The following GPC5 variants were observed in gnomAD, a reference collection of about 807,000 sequenced individuals.
GPC5 encodes glypican-5.
A neutral mutation model predicts 53.9 loss-of-function variants in GPC5; 47 were observed. The ratio of observed to expected loss-of-function variants is 0.87; its 90% CI spans 0.69 to 1.11. The LOEUF is 1.11. Among genes scored for constraint, GPC5 ranks in the 50% most tolerant of loss-of-function variants. The pLI is 0.00. For missense variants in GPC5, 748 were observed against 713.1 expected (o/e 1.05, Z -0.56); for synonymous variants, 286 against 263.3 (o/e 1.09, Z -0.84).
At chr13:92,288,065 C>T (rs2042968572) in intron 7 of GPC5, among the ~76,000 whole-genome samples, 1 of 151,986 alleles carries the variant, frequency 6.6e-6, no homozygotes, top group African/African-American at 2.4e-5. Context: ...CACTTTTCAG[C>T]TCTATTATAT....
At chr13:91,761,152 T>C (rs1449560241) in intron 5 of GPC5, among the ~76,000 whole-genome samples, 2 of 152,148 alleles carry the variant, frequency 1.3e-5, no homozygotes, top group African/African-American at 2.4e-5. Flanking sequence ...AGGTGACAGC[T>C]CCTTAATTAC....
In GPC5 at chr13:91,572,088, T is replaced by TGTATATACAC. The variant is rs1264632904; in HGVS notation, c.326-121099_326-121098insGTATATACAC. On this transcript the variant is annotated intron_variant, in intron 2 of 7. Transcript: ENST00000377067. ...ATGTATATACACACATATGTATATGTACATGTGTGTGTATATACACACATG... is the reference window on the plus strand; with the variant it reads ...ATGTATATACACACATATGTATATGTGTATATACACACATGTGTGTGTATATACACACATG... Among the ~76,000 whole-genome samples the TGTATATACAC allele has an allele frequency of 2.1e-3, 289 of 139,142 alleles. 37 individuals carry two copies. Among genetic ancestry groups the TGTATATACAC allele is most frequent in the African/African-American group, 7.8e-3 (266 of 34,092 alleles). The allele number at this position is 139,142 out of a possible 152,430, so 91.3% of individuals were successfully genotyped here.
intron 2 of GPC5, among the ~76,000 whole-genome samples, chr13:91,646,755 C>T (rs2034567413): frequency 6.6e-6 from 1 of 152,054 alleles, no homozygotes; most frequent in Admixed American, 6.6e-5. Flanking sequence ...TACAAGACAA[C>T]ATGATCTAGG....
chr13:92,758,491 A>G (rs754362560), intron 7 of GPC5, among the ~76,000 whole-genome samples: 4 of 152,064 alleles, frequency 2.6e-5, no homozygotes, highest in Non-Finnish European at 4.4e-5. Context: ...TAAAAAAAAG[A>G]ATATTTTCTG....
rs1222912271 is a variant in GPC5, at chr13:92,023,688, ACACACACTCTCTCT to A, written c.1401+115633_1401+115646del. ...AGGACACACACACACACACACACAC[ACACACACTCTCTCT>A]CTCTCTTATAAATTTATTTTAGTCA... On this transcript the variant is annotated intron_variant, in intron 6 of 7. Transcript: ENST00000377067. Among the ~76,000 whole-genome samples, 148 of 105,364 alleles carry A rather than the reference ACACACACTCTCTCT, an allele frequency of 1.4e-3. 2 individuals carry two copies. The highest frequency in any genetic ancestry group is 4.3e-3 in the African/African-American group (131 of 30,550). 69.1% of individuals were successfully genotyped at this position (105,364 alleles called of 152,430 possible). A position where few individuals can be genotyped will look rare whatever the true frequency, so the allele number is the denominator to read the frequency against.
At chr13:92,651,441 A>G (rs756643696) in intron 7 of GPC5, among the ~76,000 whole-genome samples, 2 of 152,116 alleles carry the variant, frequency 1.3e-5, no homozygotes, top group Non-Finnish European at 2.9e-5. Context: ...CATCAATCAA[A>G]TCCCAATTGA....
intron 7 of GPC5, among the ~76,000 whole-genome samples, chr13:92,346,508 G>T (rs1287370034): frequency 6.6e-6 from 1 of 152,170 alleles, no homozygotes; most frequent in Non-Finnish European, 1.5e-5. Context: ...GCCTGGGATT[G>T]TCACCAACTG....
chr13:91,579,963 T>C (rs2032295510), intron 2 of GPC5, among the ~76,000 whole-genome samples: 1 of 152,164 alleles, frequency 6.6e-6, no homozygotes, highest in African/African-American at 2.4e-5. Context: ...GGTATTTTAA[T>C]TCTTTCAAGT....
intron 2 of GPC5, among the ~76,000 whole-genome samples, chr13:91,533,596 GC>G: frequency 6.6e-6 from 1 of 152,012 alleles, no homozygotes; most frequent in East Asian, 1.9e-4. Flanking sequence ...ATAATGAATA[GC>G]AGTGAAAATG....
chr13:92,155,279 T>A (rs1247836521), intron 7 of GPC5, among the ~76,000 whole-genome samples: 2 of 152,176 alleles, frequency 1.3e-5, no homozygotes, highest in African/African-American at 4.8e-5. Flanking sequence ...CTCTGCATTT[T>A]CTGGTAGAAT....
chr13:92,598,909 TTGTG>T (rs1405224552), intron 7 of GPC5, among the ~76,000 whole-genome samples: 2 of 152,152 alleles, frequency 1.3e-5, no homozygotes, highest in South Asian at 2.1e-4. Context: ...CCCAGCTACT[TTGTG>T]TGAGACTGTC....
intron 7 of GPC5, among the ~76,000 whole-genome samples, chr13:92,617,247 C>A (rs1232886787): frequency 6.6e-6 from 1 of 152,152 alleles, no homozygotes; most frequent in Non-Finnish European, 1.5e-5. Flanking sequence ...TCTACCTGAT[C>A]CCCTCACAAC....
chr13:92,548,130 C>T (rs915661653), intron 7 of GPC5, among the ~76,000 whole-genome samples: 1 of 151,742 alleles, frequency 6.6e-6, no homozygotes, highest in East Asian at 1.9e-4. Flanking sequence ...TGAGCCACTG[C>T]GCCCGGCCAT....
At chr13:91,819,761 T>A in intron 5 of GPC5, among the ~76,000 whole-genome samples, 1 of 152,196 alleles carries the variant, frequency 6.6e-6, no homozygotes, top group East Asian at 1.9e-4. Context: ...CAATGCATAC[T>A]GAGGAGAGAA....
At chr13:91,882,619 T>G (rs979186775) in intron 5 of GPC5, among the ~76,000 whole-genome samples, 7 of 150,976 alleles carry the variant, frequency 4.6e-5, no homozygotes, top group African/African-American at 1.7e-4. Flanking sequence ...GTAATAGAGT[T>G]TGATTTTTTT....
At chr13:92,586,700 T>C (rs1486676775) in intron 7 of GPC5, among the ~76,000 whole-genome samples, 1 of 152,120 alleles carries the variant, frequency 6.6e-6, no homozygotes, top group African/African-American at 2.4e-5. Flanking sequence ...GTTGTGAATA[T>C]GACACAGTCC....
At chr13:91,613,158 T>A (rs1473904232) in intron 2 of GPC5, among the ~76,000 whole-genome samples, 1 of 152,204 alleles carries the variant, frequency 6.6e-6, no homozygotes, top group Non-Finnish European at 1.5e-5. Context: ...TATATGACAT[T>A]ACAGATTGTT....
At chr13:92,478,041 C>T (rs1295628547) in intron 7 of GPC5, among the ~76,000 whole-genome samples, 1 of 152,112 alleles carries the variant, frequency 6.6e-6, no homozygotes, top group Non-Finnish European at 1.5e-5. Flanking sequence ...GATAATTTAT[C>T]TCCTTATTGC....
intron 7 of GPC5, among the ~76,000 whole-genome samples, chr13:92,591,759 C>T (rs1399726588): frequency 6.6e-6 from 1 of 152,094 alleles, no homozygotes; most frequent in East Asian, 1.9e-4. Context: ...ACCCCCCAAC[C>T]ACCCTAGCCA....
Sources: allele counts gnomAD v4.1 joint callset (sites outside exome capture counted in the v4.1 genomes callset), GRCh38; gene constraint gnomAD v4.1.1; transcripts MANE v1.5; gene names NCBI Gene and HGNC (gene_info 2026-07-23, HGNC 2026-07-21).